Variants in EMSY observed in about 807,000 individuals in gnomAD.
EMSY encodes the protein EMSY transcriptional repressor, BRCA2 interacting.
In EMSY, 26 loss-of-function variants were observed where a neutral mutation model predicts 134.6. The observed-to-expected ratio is 0.19, with a 90% CI of 0.14 to 0.27. The LOEUF is 0.27. Among genes scored for constraint, EMSY ranks in the 10% least tolerant of loss-of-function variants. The pLI, the probability that EMSY is intolerant of heterozygous loss-of-function variation, is 1.00. For synonymous variants in EMSY, 579 were observed against 577.8 expected, an observed-to-expected ratio of 1.00 and a Z score of -0.03; for missense variants, 1,305 against 1,611.4, an observed-to-expected ratio of 0.81 and a Z score of 3.26.
chr11:76,505,202 G>A (rs1027365237), intron 9 of EMSY, among the ~76,000 whole-genome samples: 12 of 152,080 alleles, frequency 7.9e-5, no homozygotes, highest in African/African-American at 1.9e-4. Flanking sequence ...AAGAAAATTC[G>A]GCCGGGAGCG....
At chr11:76,459,705 A>G (rs1948029548) in intron 5 of EMSY, 1 of 458,710 alleles carries the variant, frequency 2.2e-6, no homozygotes, top group Non-Finnish European at 3.9e-6. Context: ...TCCGTCAGCA[A>G]TGTCACCTGT....
intron 2 of EMSY, among the ~76,000 whole-genome samples, chr11:76,448,749 C>A (rs954475782): frequency 1.3e-5 from 2 of 151,782 alleles, no homozygotes; most frequent in African/African-American, 2.4e-5. Context: ...AACAATGAAA[C>A]CTTTGAATTG....
intron 9 of EMSY, among the ~76,000 whole-genome samples, chr11:76,508,633 A>C (rs1437509393): frequency 1.3e-5 from 2 of 152,230 alleles, no homozygotes; most frequent in Non-Finnish European, 2.9e-5. Context: ...CCTAGATGGC[A>C]TCTTCTTCCA....
intron 9 of EMSY, among the ~76,000 whole-genome samples, chr11:76,504,324 A>G (rs986782038): frequency 4.7e-5 from 7 of 150,450 alleles, no homozygotes; most frequent in Non-Finnish European, 7.4e-5. Flanking sequence ...AACTCTTATA[A>G]CTCAATGGTA....
intron 8 of EMSY, among the ~76,000 whole-genome samples, chr11:76,485,632 G>T (rs1018531933): frequency 1.3e-5 from 2 of 152,100 alleles, no homozygotes; most frequent in Non-Finnish European, 2.9e-5. Flanking sequence ...TTTGAAAACT[G>T]GTACAAGACA....
chr11:76,493,512 G>A (rs192073008), intron 8 of EMSY, among the ~76,000 whole-genome samples: 5 of 152,150 alleles, frequency 3.3e-5, no homozygotes, highest in Admixed American at 6.5e-5. Context: ...GGCTTTTTCC[G>A]GTCCATTGGC....
chr11:76,459,204 T>C (rs554265069), intron 5 of EMSY: 21 of 152,340 alleles, frequency 1.4e-4, no homozygotes, highest in African/African-American at 5.1e-4. Flanking sequence ...GTTTGAATCT[T>C]AATTTGTCAT....
intron 4 of EMSY, 158 bp downstream of exon 4, chr11:76,453,546 T>A: frequency 1.7e-6 from 1 of 578,762 alleles, no homozygotes; most frequent in Non-Finnish European, 2.7e-6. Context: ...ATATTAACTG[T>A]TTATTCAGTT....
At chr11:76,511,564 A>G (rs1950277362) in intron 9 of EMSY, among the ~76,000 whole-genome samples, 1 of 152,018 alleles carries the variant, frequency 6.6e-6, no homozygotes, top group African/African-American at 2.4e-5. Context: ...GCCGGGCATG[A>G]TGACAGGCCC....
At chr11:76,466,153 T>C (rs997444963) in intron 7 of EMSY, among the ~76,000 whole-genome samples, 1 of 152,202 alleles carries the variant, frequency 6.6e-6, no homozygotes, top group Non-Finnish European at 1.5e-5. Context: ...TTTGTCAATC[T>C]CCCTCATGAC....
chr11:76,473,094 A>G (rs982697881), intron 8 of EMSY, among the ~76,000 whole-genome samples: 1 of 152,204 alleles, frequency 6.6e-6, no homozygotes, highest in Non-Finnish European at 1.5e-5. Context: ...ATGTAGGTTA[A>G]ATCTCGTCAC....
chr11:76,537,860 A>G (rs1288498635), exon 16 of EMSY: 3 of 1,613,474 alleles, frequency 1.9e-6, no homozygotes, highest in Non-Finnish European at 2.5e-6. Context: ...GGCAGTGCCT[A>G]TTCAGATGAC....
At chr11:76,449,591 CT>C (rs1947568206) in intron 2 of EMSY, among the ~76,000 whole-genome samples, 1 of 152,186 alleles carries the variant, frequency 6.6e-6, no homozygotes, top group Admixed American at 6.5e-5. Context: ...CATTGCCATT[CT>C]CCTAAACATT....
chr11:76,542,629 C>A (rs1951482410), intron 18 of EMSY, among the ~76,000 whole-genome samples: 2 of 151,972 alleles, frequency 1.3e-5, no homozygotes, highest in Non-Finnish European at 2.9e-5. Context: ...CAGAATTGGT[C>A]ACTGTTTTTG....
chr11:76,454,690 G>A, intron 4 of EMSY, 59 bp from the exon 5 acceptor site: 1 of 1,186,866 alleles, frequency 8.4e-7, no homozygotes. Flanking sequence ...TGATGCATCA[G>A]TTTCATACTT....
intron 8 of EMSY, among the ~76,000 whole-genome samples, chr11:76,482,118 G>A (rs1173537281): frequency 6.6e-6 from 1 of 152,092 alleles, no homozygotes; most frequent in Non-Finnish European, 1.5e-5. Flanking sequence ...GGTCTGGAGT[G>A]GACCTCCAGC....
intron 16 of EMSY, among the ~76,000 whole-genome samples, chr11:76,539,147 G>A (rs374047743): frequency 4.6e-5 from 7 of 152,194 alleles, no homozygotes; most frequent in African/African-American, 1.7e-4. Flanking sequence ...GATGACACCT[G>A]GAATACTGCT....
At chr11:76,472,871 A>C in intron 8 of EMSY, 31 bp downstream of exon 9, 1 of 1,603,966 alleles carries the variant, frequency 6.2e-7, no homozygotes, top group Non-Finnish European at 8.5e-7. Flanking sequence ...TAATTCTGTC[A>C]CAGTTGCTAT....
At chr11:76,447,338 T>G (rs1590756787) in intron 2 of EMSY, among the ~76,000 whole-genome samples, 2 of 152,312 alleles carry the variant, frequency 1.3e-5, no homozygotes, top group East Asian at 3.9e-4. Flanking sequence ...TTTTTGTTTG[T>G]TTGTTTTGTC....
Sources: gnomAD v4.1 joint callset for allele counts (sites outside exome capture counted in the v4.1 genomes callset) on GRCh38, gnomAD v4.1.1 for gene constraint, MANE v1.5 for transcripts, NCBI Gene and HGNC (gene_info 2026-07-23, HGNC 2026-07-21) for gene names.